GDAP1L1: variants seen among roughly 807,000 people sequenced by gnomAD.
GDAP1L1 encodes ganglioside induced differentiation associated protein 1 like 1, also known as ganglioside-induced differentiation-associated protein 1-like 1.
Under a neutral mutation model 37.1 loss-of-function variants are expected in GDAP1L1, and 21 were observed. That is an observed-to-expected ratio of 0.57 (90% CI 0.40 to 0.81). GDAP1L1 has a LOEUF of 0.81. Among genes scored for constraint, GDAP1L1 ranks in the 40% least tolerant of loss-of-function variants. The pLI is 0.00. For missense variants in GDAP1L1, 362 were observed against 491.6 expected, an observed-to-expected ratio of 0.74 and a Z score of 2.49; for synonymous variants, 193 against 209.1, an observed-to-expected ratio of 0.92 and a Z score of 0.67.
intron 5 of GDAP1L1, among the ~76,000 whole-genome samples, chr20:44,266,637 G>A (rs77503866): frequency 0.021 from 3,127 of 152,152 alleles, 108 homozygotes; most frequent in African/African-American, 0.071. Context: ...AGTTTCTCTC[G>A]AGGCCTCTCT....
intron 1 of GDAP1L1, among the ~76,000 whole-genome samples, chr20:44,254,848 G>A (rs1044255249): frequency 3.9e-5 from 6 of 152,130 alleles, no homozygotes; most frequent in Admixed American, 3.3e-4. Context: ...TCACTGTGAG[G>A]GTGGGGCATG....
intron 1 of GDAP1L1, among the ~76,000 whole-genome samples, chr20:44,250,491 G>A (rs1376312477): frequency 6.6e-6 from 1 of 152,190 alleles, no homozygotes; most frequent in Non-Finnish European, 1.5e-5. Context: ...ATGGATTTTG[G>A]AATCAGCCAG....
At chr20:44,272,883 TC>T (rs1420248036) in intron 5 of GDAP1L1, among the ~76,000 whole-genome samples, 3 of 152,092 alleles carry the variant, frequency 2.0e-5, no homozygotes, top group African/African-American at 4.8e-5. Context: ...AGAGTGAATA[TC>T]CACATGCATA....
rs867898284 is a variant in GDAP1L1, at chr20:44,258,554, C to A, written c.494C>A (p.Pro165His). ...TACACGCATGGCTGCATCCTGCATCCCGAGCTCACCACCGACTCCATGATC... is the reference window on the plus strand; with the variant it reads ...TACACGCATGGCTGCATCCTGCATCACGAGCTCACCACCGACTCCATGATC... ...DAYTHGCILH[P>H]ELTTDSMIPK... Residue 165 changes from proline (P) to histidine (H), a missense_variant, in exon 3 of 6, where the codon CCC becomes CAC. Physicochemically the swap from Pro to His is moderately conservative, Grantham distance 77. Around this residue, in one of 2 missense-constraint regions of GDAP1L1, gnomAD observed 277 missense variants for 337.1 expected, o/e 0.82. Transcript: ENST00000342560. 1 of 1,595,106 alleles carries A rather than the reference C, an allele frequency of 6.3e-7. No homozygotes were observed. Among genetic ancestry groups the A allele is most frequent in the East Asian group, 2.3e-5 (1 of 43,760 alleles).
At position 44,279,126 on chromosome 20, in the gene GDAP1L1, C is replaced by A. The variant is rs2062615206; in HGVS notation, c.930C>A (p.Ala310=). ...TTGAGAGGGTCCAGAGACGCTTTGC[C>A]TTCCGGAAAGTCCTGGGTGACATCC... is the stretch of plus-strand genomic sequence containing the variant. ...SFFERVQRRF[A]FRKVLGDIHT... Residue 310 remains alanine, a synonymous_variant, in exon 6 of 6, where the codon GCC becomes GCA. Coordinates refer to ENST00000342560, the MANE Select transcript of GDAP1L1 (RefSeq NM_024034.6). The A allele has an allele frequency of 6.2e-7, 1 of 1,614,220 alleles. No individual in the cohort carries two copies. Among genetic ancestry groups the A allele is most frequent in the Non-Finnish European group, 8.5e-7 (1 of 1,180,040 alleles).
chr20:44,276,846 A>G (rs967767564), intron 5 of GDAP1L1, among the ~76,000 whole-genome samples: 2 of 152,166 alleles, frequency 1.3e-5, no homozygotes, highest in African/African-American at 2.4e-5. Flanking sequence ...AGATGGTGCA[A>G]TGTGGCGCTG....
intron 1 of GDAP1L1, among the ~76,000 whole-genome samples, chr20:44,251,754 G>A (rs1036286352): frequency 1.4e-4 from 22 of 152,200 alleles, no homozygotes; most frequent in African/African-American, 4.8e-4. Flanking sequence ...CCTTGCTTGA[G>A]TCAAGACCTA....
At chr20:44,266,721 T>C (rs1471628920) in intron 5 of GDAP1L1, among the ~76,000 whole-genome samples, 1 of 152,106 alleles carries the variant, frequency 6.6e-6, no homozygotes, top group Non-Finnish European at 1.5e-5. Context: ...ATGCCTGGTG[T>C]CTTTGAGTCC....
chr20:44,264,778 A>G (rs2073735636), intron 5 of GDAP1L1: 2 of 1,196,948 alleles, frequency 1.7e-6, no homozygotes, highest in Admixed American at 3.2e-5. Context: ...TCAGTTTCCC[A>G]TCTATAAAAT....
intron 2 of GDAP1L1, among the ~76,000 whole-genome samples, chr20:44,257,641 C>T (rs547150094): frequency 1.3e-5 from 2 of 152,206 alleles, no homozygotes; most frequent in South Asian, 2.1e-4. Context: ...TAGCCCTTTC[C>T]CCCGAGCTCT....
In GDAP1L1 at chr20:44,264,920, C is replaced by T. The variant is rs1208631688; in HGVS notation, c.760+361C>T. 3 of 1,055,382 alleles carry T rather than the reference C, an allele frequency of 2.8e-6. No individual in the cohort carries two copies. In the African/African-American group the frequency reaches 5.1e-5, roughly 18 times the overall value. The allele number at this position is 1,055,382 out of a possible 1,614,324, so 65.4% of individuals were successfully genotyped here. A position where few individuals can be genotyped will look rare whatever the true frequency, so the allele number is the denominator to read the frequency against. ...GGTAGGTGAAGATGATGTTAAGAGG[C>T]AGCTCATAGATGTCATGGTTAGGGC... is the stretch of plus-strand genomic sequence containing the variant. On this transcript the variant is annotated intron_variant, in intron 5 of 5. Transcript: ENST00000342560.
intron 1 of GDAP1L1, among the ~76,000 whole-genome samples, chr20:44,249,465 G>A (rs1240586235): frequency 6.6e-6 from 1 of 152,198 alleles, no homozygotes; most frequent in Non-Finnish European, 1.5e-5. Context: ...GGGGATGGGG[G>A]CTTTGGAGAT....
At position 44,279,047 on chromosome 20, in the gene GDAP1L1, G is replaced by A; in HGVS notation, c.851G>A (p.Gly284Glu). ...ACCCTGCACCGCCTCAAGTTCCTGG[G>A]ACTGTCCAAGAAATACTGGGAAGAT... ...GATLHRLKFLGLSKKYWEDGS... is the reference protein window; with the variant it reads ...GATLHRLKFLELSKKYWEDGS... The change falls in exon 6 of 6, where the codon GGA (glycine) becomes GAA (glutamate). Residue 284 changes from glycine to glutamate, a missense_variant. Gly to Glu is a moderately conservative substitution (Grantham distance 98). Around this residue, in one of 2 missense-constraint regions of GDAP1L1, gnomAD observed 85 missense variants for 154.4 expected, o/e 0.55. Transcript: ENST00000342560. The A allele has an allele frequency of 6.2e-7, 1 of 1,614,074 alleles. No individual in the cohort carries two copies. Among genetic ancestry groups the A allele is most frequent in the Non-Finnish European group, 8.5e-7 (1 of 1,179,948 alleles).
intron 1 of GDAP1L1, among the ~76,000 whole-genome samples, chr20:44,251,780 A>C (rs771377755): frequency 6.6e-6 from 1 of 152,190 alleles, no homozygotes; most frequent in South Asian, 2.1e-4. Flanking sequence ...GGGGAAGCTT[A>C]TGGGCCCTTC....
At chr20:44,258,234 G>A (rs776589304) in intron 2 of GDAP1L1, 200 bp from the exon 3 acceptor site, 41 of 721,914 alleles carry the variant, frequency 5.7e-5, no homozygotes, top group Non-Finnish European at 8.2e-5. Flanking sequence ...GCTAACCCTC[G>A]GGGACAGCTT....
intron 1 of GDAP1L1, among the ~76,000 whole-genome samples, chr20:44,249,197 G>A (rs1325338739): frequency 2.0e-5 from 3 of 151,898 alleles, no homozygotes; most frequent in Non-Finnish European, 2.9e-5. Flanking sequence ...CACCACACCC[G>A]GCTAATTTTT....
chr20:44,272,335 T>A (rs1409196186), intron 5 of GDAP1L1, among the ~76,000 whole-genome samples: 1 of 152,116 alleles, frequency 6.6e-6, no homozygotes, highest in African/African-American at 2.4e-5. Context: ...AGTGTGGGCT[T>A]TCATCTCTGA....
chr20:44,264,200 TA>T (rs1294661573), intron 4 of GDAP1L1, among the ~76,000 whole-genome samples: 1 of 152,070 alleles, frequency 6.6e-6, no homozygotes, highest in African/African-American at 2.4e-5. Flanking sequence ...TGTGAGCCAC[TA>T]GCAGCCAGCC....
chr20:44,269,113 T>G (rs2062486501), intron 5 of GDAP1L1, among the ~76,000 whole-genome samples: 1 of 152,186 alleles, frequency 6.6e-6, no homozygotes. Context: ...TGTTGATTAC[T>G]TTGCACAGTG....
Sources: gnomAD v4.1 joint callset for allele counts (sites outside exome capture counted in the v4.1 genomes callset) on GRCh38, gnomAD v4.1.1 for gene constraint, gnomAD v4.1.1 regional missense constraint, MANE v1.5 for transcripts, NCBI Gene and HGNC (gene_info 2026-07-23, HGNC 2026-07-21) for gene names.